RYR3: variants seen among roughly 807,000 people sequenced by gnomAD.
The protein encoded by RYR3 is ryanodine receptor 3, also known as brain ryanodine receptor-calcium release channel.
Under a neutral mutation model 584.3 loss-of-function variants are expected in RYR3, and 207 were observed. The observed-to-expected ratio is 0.35, with a 90% CI of 0.32 to 0.40. The LOEUF (loss-of-function observed/expected upper bound fraction) is 0.40, where lower values mean the gene tolerates loss of function less well. Among genes scored for constraint, RYR3 ranks in the 10% least tolerant of loss-of-function variants. RYR3 has a pLI of 1.00. For synonymous variants in RYR3, 2,416 were observed against 2,248.5 expected, an observed-to-expected ratio of 1.07 and a Z score of -2.11; for missense variants, 5,616 against 6,089.2, an observed-to-expected ratio of 0.92 and a Z score of 2.59.
chr15:33,618,849 T>G (rs1410847000), intron 19 of RYR3, among the ~76,000 whole-genome samples: 1 of 152,184 alleles, frequency 6.6e-6, no homozygotes, highest in African/African-American at 2.4e-5. Flanking sequence ...TTTACTATAT[T>G]TTTTTCTTAA....
chr15:33,359,242 A>G (rs1974403634), intron 1 of RYR3, among the ~76,000 whole-genome samples: 1 of 152,254 alleles, frequency 6.6e-6, no homozygotes, highest in African/African-American at 2.4e-5. Context: ...CTCTTTCAGA[A>G]AAAATACAAC....
intron 85 of RYR3, 33 bp from the exon 86 acceptor site, chr15:33,830,930 G>A: frequency 1.2e-6 from 2 of 1,606,022 alleles, no homozygotes; most frequent in Non-Finnish European, 1.7e-6. Context: ...ACTGAAGTCT[G>A]AGAAATACTA....
chr15:33,606,560 T>G (rs1199524396), intron 18 of RYR3, among the ~76,000 whole-genome samples: 1 of 152,180 alleles, frequency 6.6e-6, no homozygotes, highest in African/African-American at 2.4e-5. Context: ...TGGGAAGTCA[T>G]TTTCAGGCAT....
At chr15:33,641,656 T>C (rs2061833275) in intron 27 of RYR3, among the ~76,000 whole-genome samples, 1 of 152,224 alleles carries the variant, frequency 6.6e-6, no homozygotes. Flanking sequence ...TTTTCTCTTT[T>C]CTGACTCAAG....
intron 1 of RYR3, among the ~76,000 whole-genome samples, chr15:33,340,749 C>T (rs1971717395): frequency 6.6e-6 from 1 of 152,148 alleles, no homozygotes; most frequent in South Asian, 2.1e-4. Flanking sequence ...TTTAAAGGCC[C>T]TATCTCCAAA....
intron 1 of RYR3, among the ~76,000 whole-genome samples, chr15:33,393,629 A>G (rs10444855): frequency 0.22 from 33,777 of 152,148 alleles, 4,777 homozygotes; most frequent in Non-Finnish European, 0.31. Flanking sequence ...TCGACAACAA[A>G]GGGTGATTGT....
intron 19 of RYR3, among the ~76,000 whole-genome samples, chr15:33,618,643 G>A (rs941520820): frequency 2.6e-5 from 4 of 152,220 alleles, no homozygotes; most frequent in African/African-American, 9.7e-5. Context: ...CTTAACCACA[G>A]CTTGTATCCT....
intron 96 of RYR3, 88 bp from the exon 97 acceptor site, chr15:33,854,301 G>C (rs1442230948): frequency 9.7e-7 from 1 of 1,030,982 alleles, no homozygotes; most frequent in South Asian, 1.5e-5. Flanking sequence ...TATTAAACCT[G>C]AGAGAAAAAA....
At chr15:33,608,454 C>T (rs1325495098) in intron 18 of RYR3, among the ~76,000 whole-genome samples, 1 of 152,256 alleles carries the variant, frequency 6.6e-6, no homozygotes, top group Non-Finnish European at 1.5e-5. Context: ...TATGCAAAAG[C>T]AATGCCACCA....
intron 3 of RYR3, among the ~76,000 whole-genome samples, chr15:33,525,695 T>C (rs917367403): frequency 1.3e-5 from 2 of 152,226 alleles, no homozygotes. Flanking sequence ...TAACTGAATA[T>C]ACTGGGTGAC....
intron 10 of RYR3, among the ~76,000 whole-genome samples, chr15:33,562,263 A>G (rs922581704): frequency 6.6e-6 from 1 of 152,240 alleles, no homozygotes; most frequent in Non-Finnish European, 1.5e-5. Flanking sequence ...ACTACAACAC[A>G]CCACTGAGGA....
intron 34 of RYR3, 48 bp from the exon 35 acceptor site, chr15:33,662,105 G>C: frequency 6.9e-7 from 1 of 1,457,902 alleles, no homozygotes; most frequent in Non-Finnish European, 9.2e-7. Context: ...CTGGATTCTG[G>C]TGGGTTCTTC....
chr15:33,807,585 A>G lies in RYR3; in HGVS notation c.10026+16A>G. On this transcript the variant is annotated intron_variant, in intron 70 of 103. Coordinates refer to ENST00000634891, the MANE Select transcript of RYR3 (RefSeq NM_001036.6). ...GCAAGTAAAGGTACAGGTCAAATGCATGACGTGTCTTTTCTGTCCTAGTAT... is the reference window on the plus strand; with the variant it reads ...GCAAGTAAAGGTACAGGTCAAATGCGTGACGTGTCTTTTCTGTCCTAGTAT... 1 of 1,550,916 alleles carries G rather than the reference A, an allele frequency of 6.4e-7. No individual in the cohort carries two copies. The highest frequency in any genetic ancestry group is 8.7e-7 in the Non-Finnish European group (1 of 1,146,204).
intron 32 of RYR3, 119 bp downstream of exon 32, chr15:33,653,002 G>A: frequency 1.1e-6 from 1 of 928,214 alleles, no homozygotes; most frequent in East Asian, 2.7e-5. Context: ...GAGCCCATGT[G>A]GGCCATGGGC....
intron 27 of RYR3, among the ~76,000 whole-genome samples, chr15:33,642,991 C>T (rs565764588): frequency 5.3e-5 from 8 of 152,330 alleles, no homozygotes; most frequent in South Asian, 4.1e-4. Context: ...AAGAGATTTA[C>T]GTTTCACTTA....
At chr15:33,755,248 C>A in intron 58 of RYR3, 68 bp downstream of exon 58, 2 of 968,322 alleles carry the variant, frequency 2.1e-6, no homozygotes, top group Non-Finnish European at 3.2e-6. Flanking sequence ...TCCTTTCAGA[C>A]TGTAACTTTT....
At chr15:33,338,920 A>G (rs1199796394) in intron 1 of RYR3, among the ~76,000 whole-genome samples, 1 of 152,216 alleles carries the variant, frequency 6.6e-6, no homozygotes, top group Non-Finnish European at 1.5e-5. Flanking sequence ...TTATGTGTAC[A>G]TACACACTGT....
rs2047330664 is a variant in RYR3, at chr15:33,453,836, T to A, written c.52-19583T>A. Among the ~76,000 whole-genome samples, 4 of 152,340 alleles carry A rather than the reference T, an allele frequency of 2.6e-5. No individual in the cohort carries two copies. In the South Asian group the frequency reaches 8.3e-4, roughly 32 times the overall value. ...TAATTTACAATCAAGGAACCCAGAC[T>A]GCACACAAATGATTAACCCTTTGAC... On this transcript the variant is annotated intron_variant, in intron 1 of 103. Coordinates refer to ENST00000634891, the MANE Select transcript of RYR3 (RefSeq NM_001036.6).
intron 3 of RYR3, among the ~76,000 whole-genome samples, chr15:33,514,166 G>GGC (rs1218046405): frequency 2.0e-5 from 3 of 152,184 alleles, no homozygotes; most frequent in African/African-American, 7.2e-5. Flanking sequence ...GAAGAGGAAA[G>GGC]GCACTTGATT....
Sources: gnomAD v4.1 joint callset for allele counts (sites outside exome capture counted in the v4.1 genomes callset) on GRCh38, gnomAD v4.1.1 for gene constraint, MANE v1.5 for transcripts, NCBI Gene and HGNC (gene_info 2026-07-23, HGNC 2026-07-21) for gene names.